The following MIPOL1 variants were observed in gnomAD, a reference collection of about 807,000 sequenced individuals.
The protein encoded by MIPOL1 is mirror-image polydactyly 1.
A neutral mutation model predicts 60.9 loss-of-function variants in MIPOL1; 57 were observed. The ratio of observed to expected loss-of-function variants is 0.94; its 90% CI spans 0.76 to 1.17. The LOEUF (loss-of-function observed/expected upper bound fraction) is 1.17. Ranked by LOEUF, MIPOL1 falls within the 50% of genes most tolerant of loss-of-function variation. The pLI is 0.00. For missense variants in MIPOL1, 551 were observed against 511.6 expected (o/e 1.08, Z -0.74); for synonymous variants, 179 against 168.8 (o/e 1.06, Z -0.47).
intron 6 of MIPOL1, among the ~76,000 whole-genome samples, chr14:37,271,579 T>C (rs1391422142): frequency 6.6e-6 from 1 of 151,906 alleles, no homozygotes; most frequent in Non-Finnish European, 1.5e-5. Flanking sequence ...TTTCTGTTAA[T>C]GTTAAACTAC....
intron 1 of MIPOL1, among the ~76,000 whole-genome samples, chr14:37,227,260 T>G (rs1017802792): frequency 1.3e-5 from 2 of 152,222 alleles, no homozygotes; most frequent in Non-Finnish European, 2.9e-5. Flanking sequence ...TCTTAGAGAC[T>G]GCTTGCTGTT....
chr14:37,338,053 G>A (rs958998039), intron 9 of MIPOL1, among the ~76,000 whole-genome samples: 5 of 151,304 alleles, frequency 3.3e-5, no homozygotes, highest in Non-Finnish European at 7.4e-5. Flanking sequence ...GTTTACAAAA[G>A]GCATCCAACT....
At position 37,207,914 on chromosome 14, in the gene MIPOL1, T is replaced by G. The variant is rs149962631; in HGVS notation, c.-199+9810T>G. Among the ~76,000 whole-genome samples, 523 of 152,262 alleles carry G rather than the reference T, an allele frequency of 3.4e-3. 3 individuals carry two copies. The highest frequency in any genetic ancestry group is 0.012 in the African/African-American group (513 of 41,546). On this transcript the variant is annotated intron_variant, in intron 1 of 12. Transcript: ENST00000684589. ...GTTTTAACTATAAATCCCATACTTG[T>G]TTTTGGTTATAATTTAATTGCTAGG...
intron 9 of MIPOL1, among the ~76,000 whole-genome samples, chr14:37,357,347 T>C (rs1288062091): frequency 6.6e-6 from 1 of 152,188 alleles, no homozygotes; most frequent in East Asian, 1.9e-4. Context: ...TTTGGTTGCC[T>C]GTGCTTGTGG....
intron 11 of MIPOL1, among the ~76,000 whole-genome samples, chr14:37,498,171 A>G (rs1184689849): frequency 1.3e-5 from 2 of 152,186 alleles, no homozygotes; most frequent in Non-Finnish European, 2.9e-5. Flanking sequence ...TAAAGGTTGG[A>G]TTAGTACTTA....
At chr14:37,530,585 T>C (rs1444312507) in intron 12 of MIPOL1, among the ~76,000 whole-genome samples, 1 of 152,178 alleles carries the variant, frequency 6.6e-6, no homozygotes, top group Non-Finnish European at 1.5e-5. Flanking sequence ...TTATTCTGAA[T>C]GATAAAGATT....
At chr14:37,474,390 G>A (rs1198471444) in intron 11 of MIPOL1, among the ~76,000 whole-genome samples, 2 of 152,120 alleles carry the variant, frequency 1.3e-5, no homozygotes, top group African/African-American at 2.4e-5. Context: ...GGAGGGACCC[G>A]GTGGGAGGTA....
intron 7 of MIPOL1, among the ~76,000 whole-genome samples, chr14:37,291,088 CT>C (rs1190274425): frequency 2.0e-5 from 3 of 152,086 alleles, no homozygotes; most frequent in Non-Finnish European, 2.9e-5. Flanking sequence ...GGAAATTTTA[CT>C]TTCTAAAGAG....
chr14:37,368,170 A>G (rs1423394625), intron 9 of MIPOL1, among the ~76,000 whole-genome samples: 1 of 152,084 alleles, frequency 6.6e-6, no homozygotes, highest in East Asian at 1.9e-4. Context: ...AATTAAATTA[A>G]TGTTGATTAA....
intron 11 of MIPOL1, among the ~76,000 whole-genome samples, chr14:37,438,494 T>A (rs1388220493): frequency 6.6e-6 from 1 of 152,182 alleles, no homozygotes; most frequent in Non-Finnish European, 1.5e-5. Context: ...ATAAATATTA[T>A]CTAATCCTCC....
intron 10 of MIPOL1, among the ~76,000 whole-genome samples, chr14:37,373,223 G>C (rs953579063): frequency 6.6e-6 from 1 of 151,958 alleles, no homozygotes; most frequent in Non-Finnish European, 1.5e-5. Context: ...CACTGGTCTC[G>C]AGCTCCTGGC....
In MIPOL1 at chr14:37,247,902, C is replaced by A; in HGVS notation, c.14C>A (p.Ser5Ter). ...ACAGAAATACAAATGGAGAACTGGT[C>A]AAAAGGTAAGGACTTTTAAGGTATT... is the stretch of plus-strand genomic sequence containing the variant. MENW[S>*]KDITHSYLEQ... Residue 5 changes from serine (S) to a stop codon, truncating the protein, a stop_gained, in exon 3 of 13, where the codon TCA (serine) becomes TAA (stop). Transcript: ENST00000684589. LOFTEE classifies it high-confidence loss of function. The A allele has an allele frequency of 6.2e-7, 1 of 1,613,030 alleles. No homozygotes were observed. Among genetic ancestry groups the A allele is most frequent in the South Asian group, 1.1e-5 (1 of 90,956 alleles).
At chr14:37,344,109 C>T (rs1366001735) in intron 9 of MIPOL1, among the ~76,000 whole-genome samples, 2 of 151,932 alleles carry the variant, frequency 1.3e-5, no homozygotes, top group Non-Finnish European at 2.9e-5. Context: ...ATTATCACAC[C>T]AAAAGGAGTA....
chr14:37,354,023 T>G (rs190467675), intron 9 of MIPOL1, among the ~76,000 whole-genome samples: 10,894 of 151,712 alleles, frequency 0.072, 1,321 homozygotes, highest in African/African-American at 0.25. Context: ...GGATCTTTCC[T>G]GCTTTCTCTT....
chr14:37,291,293 C>A (rs2085033718), intron 7 of MIPOL1, among the ~76,000 whole-genome samples: 1 of 152,132 alleles, frequency 6.6e-6, no homozygotes, highest in Non-Finnish European at 1.5e-5. Flanking sequence ...TTATATGGGA[C>A]ATTTTTGTCC....
At position 37,285,360 on chromosome 14, in the gene MIPOL1, A is replaced by G; in HGVS notation, c.536A>G (p.Glu179Gly). ...EVYFAQKERD[E>G]AVMSRLQLAI... ...TATTTTGCGCAGAAGGAACGTGATG[A>G]AGCTGTTATGTCTAGACTGCAATTA... Residue 179 changes from glutamate to glycine, a missense_variant, in exon 7 of 13, where the codon GAA (glutamate) becomes GGA (glycine). Physicochemically the swap from Glu to Gly is moderately conservative, Grantham distance 98. Transcript: ENST00000684589. 1 of 1,614,004 alleles carries G rather than the reference A, an allele frequency of 6.2e-7. No individual in the cohort carries two copies. The highest frequency in any genetic ancestry group is 1.1e-5 in the South Asian group (1 of 91,064).
intron 11 of MIPOL1, among the ~76,000 whole-genome samples, chr14:37,495,710 T>A (rs11626095): frequency 0.71 from 82,649 of 116,570 alleles, 29,044 homozygotes; most frequent in African/African-American, 0.85. Flanking sequence ...CGCCACACTG[T>A]CTTCCACAAT....
chr14:37,508,498 T>C (rs1289826606), intron 12 of MIPOL1, among the ~76,000 whole-genome samples: 1 of 152,140 alleles, frequency 6.6e-6, no homozygotes, highest in Non-Finnish European at 1.5e-5. Flanking sequence ...ATGTTTATGG[T>C]GAAAATAAAT....
intron 6 of MIPOL1, chr14:37,277,866 C>G (rs1389974169): frequency 1.3e-5 from 2 of 151,374 alleles, no homozygotes; most frequent in Non-Finnish European, 3.0e-5. Context: ...GGTGTACAAT[C>G]TAATATTAGG....
Sources: allele counts gnomAD v4.1 joint callset (sites outside exome capture counted in the v4.1 genomes callset), GRCh38; gene constraint gnomAD v4.1.1; transcripts MANE v1.5; gene names NCBI Gene and HGNC (gene_info 2026-07-23, HGNC 2026-07-21).